Variants in KIF13B observed in about 807,000 individuals in gnomAD.
KIF13B encodes kinesin family member 13B.
A neutral mutation model predicts 222.0 loss-of-function variants in KIF13B; 127 were observed. The observed-to-expected ratio is 0.57, with a 90% CI of 0.50 to 0.66. The LOEUF is 0.66. Among genes scored for constraint, KIF13B ranks in the 30% least tolerant of loss-of-function variants. The pLI is 0.00. For missense variants in KIF13B, 2,173 were observed against 2,379.0 expected, an observed-to-expected ratio of 0.91 and a Z score of 1.80; for synonymous variants, 976 against 919.0, an observed-to-expected ratio of 1.06 and a Z score of -1.12.
intron 33 of KIF13B, 126 bp from the exon 34 acceptor site, chr8:29,109,637 T>C (rs1402199556): frequency 2.4e-6 from 2 of 825,684 alleles, no homozygotes; most frequent in African/African-American, 1.7e-5. Flanking sequence ...ACAATGCTGT[T>C]ACGTGATTAT....
At chr8:29,080,785 C>G (rs866674662) in intron 37 of KIF13B, among the ~76,000 whole-genome samples, 1 of 152,152 alleles carries the variant, frequency 6.6e-6, no homozygotes, top group Non-Finnish European at 1.5e-5. Context: ...GACCCCCGCC[C>G]GAGCCACTGT....
In KIF13B at chr8:29,099,175, C is replaced by T. The variant is rs749969830; in HGVS notation, c.4282G>A (p.Ala1428Thr). 148 of 1,613,222 alleles carry T rather than the reference C, an allele frequency of 9.2e-5. No homozygotes were observed. The highest frequency in any genetic ancestry group is 1.1e-4 in the Non-Finnish European group (132 of 1,179,528). ...TTATTTTGGGGAGAAACAGAGAGGG[C>T]GGGGGCAGGAGCTATTCCTCTGGAA... ...TVSRGIAPAP[A>T]LSVSPQNNHS... The change falls in exon 36 of 40, where the codon GCC becomes ACC. Residue 1428 changes from alanine (A) to threonine (T), a missense_variant. Coordinates refer to ENST00000524189, the MANE Select transcript of KIF13B (RefSeq NM_015254.4).
At chr8:29,240,911 A>T (rs575703901) in intron 2 of KIF13B, among the ~76,000 whole-genome samples, 1 of 152,288 alleles carries the variant, frequency 6.6e-6, no homozygotes, top group South Asian at 2.1e-4. Flanking sequence ...AATTCCTCAA[A>T]ATGTTCAGAA....
In KIF13B at chr8:29,162,673, A is replaced by T. The variant is rs77979122; in HGVS notation, c.1270-1806T>A. Reference sequence around the variant, plus strand: ...CGCTACAAAATTTTTGTCAAAGCCGAAAGAGGCACAATGGTGGAAAACTGT... The same window carrying T: ...CGCTACAAAATTTTTGTCAAAGCCGTAAGAGGCACAATGGTGGAAAACTGT... On this transcript the variant is annotated intron_variant, in intron 12 of 39. Transcript: ENST00000524189. Among the ~76,000 whole-genome samples the T allele has an allele frequency of 2.2e-3, 338 of 152,356 alleles. 3 individuals are homozygous for T. Among genetic ancestry groups the T allele is most frequent in the African/African-American group, 7.4e-3 (309 of 41,582 alleles).
At chr8:29,195,337 G>A (rs1250083892) in intron 3 of KIF13B, among the ~76,000 whole-genome samples, 1 of 152,112 alleles carries the variant, frequency 6.6e-6, no homozygotes, top group Non-Finnish European at 1.5e-5. Context: ...AAAGAAACCA[G>A]TGCCCTATTC....
chr8:29,221,542 G>C (rs1044604213), intron 2 of KIF13B, among the ~76,000 whole-genome samples: 4 of 151,918 alleles, frequency 2.6e-5, no homozygotes, highest in Non-Finnish European at 5.9e-5. Flanking sequence ...AGGAGAAGAG[G>C]TAAAAAGGAT....
chr8:29,228,408 A>G (rs1266756568), intron 2 of KIF13B, among the ~76,000 whole-genome samples: 1 of 149,620 alleles, frequency 6.7e-6, no homozygotes, highest in Non-Finnish European at 1.5e-5. Flanking sequence ...CGGAGCTTCC[A>G]GTGAGCCAAG....
chr8:29,089,086 A>G (rs1808173877), intron 37 of KIF13B, among the ~76,000 whole-genome samples: 1 of 152,060 alleles, frequency 6.6e-6, no homozygotes. Flanking sequence ...TGCTTCTTTC[A>G]CCTCTAAGCT....
At chr8:29,195,066 G>A (rs1035084841) in intron 3 of KIF13B, among the ~76,000 whole-genome samples, 8 of 152,042 alleles carry the variant, frequency 5.3e-5, no homozygotes, top group Non-Finnish European at 2.9e-5. Flanking sequence ...TGGCCAACAT[G>A]GTGAAACCCC....
intron 26 of KIF13B, among the ~76,000 whole-genome samples, chr8:29,126,035 C>T (rs528198563): frequency 1.3e-3 from 201 of 151,574 alleles, no homozygotes; most frequent in African/African-American, 4.4e-3. Context: ...TGCAGTGAGC[C>T]GAGATGGCGC....
At chr8:29,074,489 C>T (rs1333795367) in intron 38 of KIF13B, among the ~76,000 whole-genome samples, 1 of 152,264 alleles carries the variant, frequency 6.6e-6, no homozygotes, top group Non-Finnish European at 1.5e-5. Flanking sequence ...CTGGAGACTT[C>T]TGCAAAAGCC....
intron 11 of KIF13B, among the ~76,000 whole-genome samples, chr8:29,166,277 G>A (rs926931913): frequency 7.9e-5 from 12 of 152,114 alleles, no homozygotes; most frequent in South Asian, 2.1e-4. Flanking sequence ...GTAAAAATAC[G>A]ATCAAGATAA....
At chr8:29,217,256 C>T (rs1029693496) in intron 2 of KIF13B, among the ~76,000 whole-genome samples, 1 of 152,190 alleles carries the variant, frequency 6.6e-6, no homozygotes, top group African/African-American at 2.4e-5. Flanking sequence ...AGCAAGCCTA[C>T]TTGGCCAACA....
chr8:29,175,607 G>A (rs957999754), intron 10 of KIF13B, among the ~76,000 whole-genome samples: 1 of 152,172 alleles, frequency 6.6e-6, no homozygotes, highest in South Asian at 2.1e-4. Context: ...CAAATTAAAG[G>A]CATCATGAGT....
intron 35 of KIF13B, among the ~76,000 whole-genome samples, chr8:29,105,698 G>T (rs773237814): frequency 1.1e-4 from 12 of 110,408 alleles, no homozygotes; most frequent in Non-Finnish European, 1.7e-4. Context: ...TCGCTCTGTC[G>T]CCCAGGCTGG....
chr8:29,116,347 T>G (rs1390188566), intron 31 of KIF13B, among the ~76,000 whole-genome samples: 1 of 152,028 alleles, frequency 6.6e-6, no homozygotes, highest in African/African-American at 2.4e-5. Context: ...CACACGTCTG[T>G]GGTCCCAGCT....
chr8:29,191,707 C>T (rs1246145057), intron 3 of KIF13B, among the ~76,000 whole-genome samples: 1 of 152,192 alleles, frequency 6.6e-6, no homozygotes, highest in African/African-American at 2.4e-5. Context: ...ACCTTATCAC[C>T]ACTTTCTAGA....
intron 13 of KIF13B, among the ~76,000 whole-genome samples, chr8:29,157,914 G>A (rs1485731383): frequency 1.3e-5 from 2 of 151,618 alleles, no homozygotes; most frequent in Non-Finnish European, 2.9e-5. Flanking sequence ...TCTTACCCGG[G>A]CTTACAAAGC....
intron 2 of KIF13B, among the ~76,000 whole-genome samples, chr8:29,234,858 G>C (rs1163066266): frequency 6.6e-6 from 1 of 152,088 alleles, no homozygotes; most frequent in Non-Finnish European, 1.5e-5. Context: ...GAATGGAACA[G>C]CTGGGAGCCG....
Sources: allele counts gnomAD v4.1 joint callset (sites outside exome capture counted in the v4.1 genomes callset), GRCh38; gene constraint gnomAD v4.1.1; transcripts MANE v1.5; gene names NCBI Gene and HGNC (gene_info 2026-07-23, HGNC 2026-07-21).